The following TMTC1 variants were observed in gnomAD, a reference collection of about 807,000 sequenced individuals.
The protein encoded by TMTC1 is transmembrane O-mannosyltransferase targeting cadherins 1.
In TMTC1, 73 loss-of-function variants were observed where a neutral mutation model predicts 104.8. That is an observed-to-expected ratio of 0.70 (90% CI 0.58 to 0.85). The LOEUF is 0.85. TMTC1 is among the 40% of genes least tolerant of loss of function. The pLI, the probability that TMTC1 is intolerant of heterozygous loss-of-function variation, is 0.00. For missense variants in TMTC1, 1,035 were observed against 1,096.1 expected, an observed-to-expected ratio of 0.94 and a Z score of 0.79; for synonymous variants, 434 against 428.7, an observed-to-expected ratio of 1.01 and a Z score of -0.15.
At chr12:29,658,307 T>C (rs926123142) in intron 5 of TMTC1, 4 of 151,960 alleles carry the variant, frequency 2.6e-5, no homozygotes, top group African/African-American at 4.8e-5. Context: ...TTTAGAAGAG[T>C]GCATCTTAAT....
At chr12:29,556,052 C>CT (rs34199321) in intron 10 of TMTC1, among the ~76,000 whole-genome samples, 10,590 of 149,440 alleles carry the variant, frequency 0.071, 984 homozygotes, top group African/African-American at 0.21. Flanking sequence ...ATTTGTTAAC[C>CT]TTTTTTTTTT....
At chr12:29,635,328 C>T (rs1252912954) in intron 5 of TMTC1, among the ~76,000 whole-genome samples, 2 of 152,174 alleles carry the variant, frequency 1.3e-5, no homozygotes, top group Non-Finnish European at 2.9e-5. Context: ...ATGCCATCTA[C>T]CTTTCAGCCC....
At chr12:29,646,827 G>A (rs1000659691) in intron 5 of TMTC1, among the ~76,000 whole-genome samples, 1 of 152,134 alleles carries the variant, frequency 6.6e-6, no homozygotes, top group Non-Finnish European at 1.5e-5. Flanking sequence ...CTCAAAACAG[G>A]TGGCTCCCCA....
intron 5 of TMTC1, among the ~76,000 whole-genome samples, chr12:29,661,148 C>T (rs946359025): frequency 3.3e-5 from 5 of 152,158 alleles, no homozygotes; most frequent in Non-Finnish European, 7.3e-5. Context: ...ATCTACCTCA[C>T]AGGAAAGTTG....
chr12:29,514,493 T>C lies in TMTC1; in HGVS notation c.2419A>G (p.Lys807Glu). 6.2e-7 allele frequency: 1 copy of C among 1,611,772 alleles called. No homozygotes were observed. Residue 807 changes from lysine (K) to glutamate (E), a missense_variant, in exon 16 of 18, where the codon AAA becomes GAA. Coordinates refer to ENST00000539277, the MANE Select transcript of TMTC1 (RefSeq NM_001193451.2). Reference sequence around the variant, plus strand: ...TGATGAGTTTATACCTCAAAAGCTTTGTCGAGAAGGTTCTGCTCTCTTAAT... The same window carrying C: ...TGATGAGTTTATACCTCAAAAGCTTCGTCGAGAAGGTTCTGCTCTCTTAAT... ...NQLREQNLLD[K>E]AFESYRVAVQ... is the part of the protein sequence containing the mutation.
chr12:29,686,257 T>C (rs2882465), intron 5 of TMTC1, among the ~76,000 whole-genome samples: 22,574 of 152,178 alleles, frequency 0.15, 1,902 homozygotes, highest in East Asian at 0.34. Context: ...TTTTCTTCCA[T>C]CTACCCCTAA....
rs146162779 is a variant in TMTC1, at chr12:29,758,712, C to A, written c.546G>T (p.Ser182=). 3 of 1,613,182 alleles carry A rather than the reference C, an allele frequency of 1.9e-6. No individual in the cohort carries two copies. The highest frequency in any genetic ancestry group is 2.2e-5 in the South Asian group (2 of 90,962). Residue 182 remains serine (S), a synonymous_variant, in exon 3 of 18, where the codon TCG becomes TCT. Coordinates refer to ENST00000539277, the MANE Select transcript of TMTC1 (RefSeq NM_001193451.2). ...ACLLFLLAFL[S]YNRSLDQGCV... is the part of the protein sequence containing the mutation. ...TTCTTAGCTACACATACCTGTTGTACGAGAGAAAGGCCAATAGAAACAGCA... is the reference window on the plus strand; with the variant it reads ...TTCTTAGCTACACATACCTGTTGTAAGAGAGAAAGGCCAATAGAAACAGCA...
chr12:29,648,744 A>C (rs983146354), intron 5 of TMTC1, among the ~76,000 whole-genome samples: 1 of 152,254 alleles, frequency 6.6e-6, no homozygotes, highest in African/African-American at 2.4e-5. Context: ...ATTAAAAAGA[A>C]TAAAATGAAA....
chr12:29,777,813 T>C (rs1161410034), intron 1 of TMTC1, among the ~76,000 whole-genome samples: 2 of 152,214 alleles, frequency 1.3e-5, no homozygotes, highest in Non-Finnish European at 2.9e-5. Flanking sequence ...TCCTAGAGAA[T>C]CTTCACTTGT....
At chr12:29,684,301 A>C (rs1941022101) in intron 5 of TMTC1, among the ~76,000 whole-genome samples, 1 of 152,238 alleles carries the variant, frequency 6.6e-6, no homozygotes, top group Non-Finnish European at 1.5e-5. Flanking sequence ...GCTAAAGAGA[A>C]TATTTGAACC....
chr12:29,539,679 C>T (rs6487837), intron 10 of TMTC1, among the ~76,000 whole-genome samples: 1 of 152,148 alleles, frequency 6.6e-6, no homozygotes, highest in East Asian at 1.9e-4. Context: ...CAAATCACTG[C>T]GTGTGCTTTA....
chr12:29,605,571 T>TAAAAAAAAAAA (rs34353381), intron 6 of TMTC1, among the ~76,000 whole-genome samples: 1 of 101,888 alleles, frequency 9.8e-6, no homozygotes, highest in Non-Finnish European at 2.0e-5. Context: ...CCAAAAAGGG[T>TAAAAAAAAAAA]AAAAAAAAAA....
intron 5 of TMTC1, among the ~76,000 whole-genome samples, chr12:29,646,556 A>G (rs1464853370): frequency 6.6e-6 from 1 of 152,182 alleles, no homozygotes; most frequent in African/African-American, 2.4e-5. Context: ...ACCCATCCCT[A>G]GTCCCCAGGT....
chr12:29,559,639 G>A (rs762284665), intron 9 of TMTC1, among the ~76,000 whole-genome samples: 2 of 152,164 alleles, frequency 1.3e-5, no homozygotes, highest in South Asian at 2.1e-4. Context: ...ATTATAGTCC[G>A]GGAAGAGGCT....
chr12:29,607,043 C>T (rs939733661), intron 6 of TMTC1, among the ~76,000 whole-genome samples: 7 of 151,928 alleles, frequency 4.6e-5, no homozygotes, highest in African/African-American at 1.2e-4. Context: ...GTTGGGGATG[C>T]GGAGATGGGG....
intron 5 of TMTC1, among the ~76,000 whole-genome samples, chr12:29,735,553 T>C (rs1942650010): frequency 6.6e-6 from 1 of 152,218 alleles, no homozygotes; most frequent in Non-Finnish European, 1.5e-5. Flanking sequence ...GAATCCAGGA[T>C]TATATACAGT....
intron 5 of TMTC1, among the ~76,000 whole-genome samples, chr12:29,729,657 C>T (rs573532373): frequency 6.8e-4 from 104 of 152,260 alleles, no homozygotes; most frequent in African/African-American, 2.4e-3. Flanking sequence ...CATGGGGTTA[C>T]GGCCTCACTG....
At chr12:29,725,731 T>C (rs1243765521) in intron 5 of TMTC1, among the ~76,000 whole-genome samples, 1 of 152,232 alleles carries the variant, frequency 6.6e-6, no homozygotes, top group South Asian at 2.1e-4. Flanking sequence ...GAAAAACGTT[T>C]ATTTGATCTG....
chr12:29,671,683 T>A (rs942528366), intron 5 of TMTC1, among the ~76,000 whole-genome samples: 4 of 152,332 alleles, frequency 2.6e-5, no homozygotes, highest in African/African-American at 9.6e-5. Flanking sequence ...TTAGCAGAAC[T>A]GGGATTTGAA....
Sources: gnomAD v4.1 joint callset for allele counts (sites outside exome capture counted in the v4.1 genomes callset) on GRCh38, gnomAD v4.1.1 for gene constraint, MANE v1.5 for transcripts, NCBI Gene and HGNC (gene_info 2026-07-23, HGNC 2026-07-21) for gene names.